Variants in CTSL observed in about 807,000 individuals in gnomAD.
CTSL encodes cathepsin L.
CTSL carries 23 observed loss-of-function variants against 34.7 expected under a neutral mutation model. That is an observed-to-expected ratio of 0.66 (90% CI 0.48 to 0.94). The LOEUF (loss-of-function observed/expected upper bound fraction) is 0.94, where lower values mean the gene tolerates loss of function less well. CTSL is among the 40% of genes least tolerant of loss of function. The probability of loss-of-function intolerance (pLI) is 0.00; values close to 1 mark genes in which losing one functional copy is unlikely to be tolerated. For missense variants in CTSL, 361 were observed against 406.3 expected, an observed-to-expected ratio of 0.89 and a Z score of 0.96; for synonymous variants, 129 against 136.7, an observed-to-expected ratio of 0.94 and a Z score of 0.39.
intron 1 of CTSL, among the ~76,000 whole-genome samples, chr9:87,726,817 C>T (rs1223999816): frequency 2.0e-5 from 3 of 151,980 alleles, no homozygotes; most frequent in Non-Finnish European, 4.4e-5. Context: ...CTGAGGTGGG[C>T]GGATCACCTG....
At chr9:87,730,907 A>AAGTCTAT in intron 7 of CTSL, 101 bp from the exon 8 acceptor site, 1 of 868,944 alleles carries the variant, frequency 1.2e-6, no homozygotes. Flanking sequence ...TCTTTCTGTT[A>AAGTCTAT]AGTCTATGGC....
At position 87,728,742 on chromosome 9, in the gene CTSL, A is replaced by G. The variant is rs751039989; in HGVS notation, c.554A>G (p.Tyr185Cys). The G allele has an allele frequency of 1.2e-6, 2 of 1,614,230 alleles. No individual in the cohort carries two copies. Among genetic ancestry groups the G allele is most frequent in the East Asian group, 4.5e-5 (2 of 44,890 alleles). The change falls in exon 5 of 8, where the codon TAT becomes TGT. Residue 185 changes from tyrosine (Y) to cysteine (C), a missense_variant. By Grantham distance (194) the Tyr-to-Cys change is radical (BLOSUM62 -2). Coordinates refer to ENST00000343150, the MANE Select transcript of CTSL (RefSeq NM_001912.5). ...GGCTGCAATGGTGGCCTAATGGATT[A>G]TGCTTTCCAGTATGTTCAGGATAAT... Reference protein sequence around the residue: ...NEGCNGGLMDYAFQYVQDNGG... With the variant: ...NEGCNGGLMDCAFQYVQDNGG...
At chr9:87,727,231 T>G (rs916475127) in intron 1 of CTSL, among the ~76,000 whole-genome samples, 1 of 152,104 alleles carries the variant, frequency 6.6e-6, no homozygotes, top group Non-Finnish European at 1.5e-5. Context: ...AAACCTGGAT[T>G]TTTTGCGATT....
chr9:87,728,909 G>C, intron 5 of CTSL, 100 bp downstream of exon 5: 1 of 1,554,044 alleles, frequency 6.4e-7, no homozygotes, highest in Non-Finnish European at 8.7e-7. Flanking sequence ...ATTAGGGCTG[G>C]GTGGGGTGGC....
intron 2 of CTSL, 66 bp downstream of exon 2, chr9:87,727,795 C>A (rs939318910): frequency 6.3e-7 from 1 of 1,588,306 alleles, no homozygotes; most frequent in South Asian, 1.1e-5. Context: ...AGAGTAGCTT[C>A]TAGAGGCCAG....
At chr9:87,729,205 A>G (rs907927298) in intron 5 of CTSL, among the ~76,000 whole-genome samples, 1 of 152,192 alleles carries the variant, frequency 6.6e-6, no homozygotes, top group African/African-American at 2.4e-5. Flanking sequence ...GGCAGAATAT[A>G]TATCTGCAAA....
intron 7 of CTSL, 113 bp from the exon 8 acceptor site, chr9:87,730,895 A>AT (rs775524676): frequency 2.1e-4 from 169 of 787,450 alleles, no homozygotes; most frequent in Non-Finnish European, 3.1e-4. Flanking sequence ...GCCTGTCCTG[A>AT]TTCTTTCTGT....
At position 87,727,671 on chromosome 9, in the gene CTSL, A is replaced by G. The variant is rs1826075382; in HGVS notation, c.68A>G (p.His23Arg). 2 of 1,613,940 alleles carry G rather than the reference A, an allele frequency of 1.2e-6. No homozygotes were observed. The highest frequency in any genetic ancestry group is 1.3e-5 in the African/African-American group (1 of 74,870). ...GIASATLTFD[H>R]SLEAQWTKWK... ...GCCTCAGCTACTCTAACATTTGATC[A>G]CAGTTTAGAGGCACAGTGGACCAAG... is the stretch of plus-strand genomic sequence containing the variant. The change falls in exon 2 of 8, where the codon CAC (histidine) becomes CGC (arginine). Residue 23 changes from histidine (H) to arginine (R), a missense_variant. Transcript: ENST00000343150.
chr9:87,730,995 G>C lies in CTSL; in HGVS notation c.903-13G>C, dbSNP rs755903907. On this transcript the variant is annotated splice_polypyrimidine_tract_variant and intron_variant, in intron 7 of 7. Coordinates refer to ENST00000343150, the MANE Select transcript of CTSL (RefSeq NM_001912.5). Reference sequence around the variant, plus strand: ...ATTCTTTCTCTGAAATGGAAAACCTGCTCTTTTTTCAGCTGGGGTGAAGAA... The same window carrying C: ...ATTCTTTCTCTGAAATGGAAAACCTCCTCTTTTTTCAGCTGGGGTGAAGAA... 2 of 1,611,190 alleles carry C rather than the reference G, an allele frequency of 1.2e-6. No homozygotes were observed. Among genetic ancestry groups the C allele is most frequent in the Non-Finnish European group, 1.7e-6 (2 of 1,177,480 alleles).
chr9:87,727,542 A>ATGGCTTT, intron 1 of CTSL, 52 bp from the exon 2 acceptor site: 1 of 1,586,086 alleles, frequency 6.3e-7, no homozygotes, highest in South Asian at 1.1e-5. Context: ...GGGCAGTAAG[A>ATGGCTTT]TGGCTTTTTA....
At chr9:87,730,933 T>A in intron 7 of CTSL, 75 bp from the exon 8 acceptor site, 1 of 1,195,160 alleles carries the variant, frequency 8.4e-7, no homozygotes, top group African/African-American at 1.5e-5. Flanking sequence ...GCACAGTGTT[T>A]AAGTTGGGTG....
chr9:87,726,703 C>T (rs1302121145), intron 1 of CTSL, among the ~76,000 whole-genome samples: 1 of 152,142 alleles, frequency 6.6e-6, no homozygotes, highest in Non-Finnish European at 1.5e-5. Context: ...AGTGCGTGCT[C>T]TCCTTCCCAG....
In CTSL at chr9:87,728,539, T is replaced by C. The variant is rs375713690; in HGVS notation, c.397-46T>C. On this transcript the variant is annotated intron_variant, in intron 4 of 7. Coordinates refer to ENST00000343150, the MANE Select transcript of CTSL (RefSeq NM_001912.5). The stretch of plus-strand genomic sequence containing the variant: ...TGTGTGAGCTGTTGTCAAAGTCTTA[T>C]TATTTTTTTTTTGTGGATGACAGCT... 5.0e-6 allele frequency: 8 copies of C among 1,589,672 alleles called. No homozygotes were observed. In the African/African-American group the frequency reaches 8.2e-5, roughly 16 times the overall value.
In CTSL at chr9:87,728,373, T is replaced by C. The variant is rs1443898164; in HGVS notation, c.373T>C (p.Tyr125His). The change falls in exon 4 of 8, where the codon TAC becomes CAC. Residue 125 changes from tyrosine (Y) to histidine (H), a missense_variant. Physicochemically the swap from Tyr to His is moderately conservative, Grantham distance 83. Coordinates refer to ENST00000343150, the MANE Select transcript of CTSL (RefSeq NM_001912.5). ...ATCTGTGGATTGGAGAGAGAAAGGC[T>C]ACGTGACTCCTGTGAAGAATCAGGT... The part of the protein sequence containing the change: ...PRSVDWREKG[Y>H]VTPVKNQGQC... The C allele has an allele frequency of 1.2e-6, 2 of 1,613,980 alleles. No individual in the cohort carries two copies. The highest frequency in any genetic ancestry group is 2.2e-5 in the East Asian group (1 of 44,884).
intron 4 of CTSL, 40 bp from the exon 5 acceptor site, chr9:87,728,545 T>A (rs1016827863): frequency 1.9e-6 from 3 of 1,590,600 alleles, no homozygotes; most frequent in Non-Finnish European, 2.6e-6. Context: ...CTTATTATTT[T>A]TTTTTTGTGG....
chr9:87,730,527 G>A, intron 7 of CTSL, 29 bp downstream of exon 7: 1 of 1,471,292 alleles, frequency 6.8e-7, no homozygotes, highest in Non-Finnish European at 9.4e-7. Context: ...ACTTACATTT[G>A]AAATTCAAAA....
chr9:87,731,036 T>C lies in CTSL; in HGVS notation c.931T>C (p.Tyr311His), dbSNP rs747407480. 1 of 1,614,086 alleles carries C rather than the reference T, an allele frequency of 6.2e-7. No individual in the cohort carries two copies. Among genetic ancestry groups the C allele is most frequent in the Non-Finnish European group, 8.5e-7 (1 of 1,179,980 alleles). ...GGGTGAAGAATGGGGCATGGGTGGC[T>C]ACGTAAAGATGGCCAAAGACCGGAG... ...SWGEEWGMGG[Y>H]VKMAKDRRNH... The change falls in exon 8 of 8, where the codon TAC becomes CAC. Residue 311 changes from tyrosine (Y) to histidine (H), a missense_variant. Coordinates refer to ENST00000343150, the MANE Select transcript of CTSL (RefSeq NM_001912.5).
chr9:87,730,556 A>G, intron 7 of CTSL, 58 bp downstream of exon 7: 1 of 1,262,456 alleles, frequency 7.9e-7, no homozygotes, highest in South Asian at 1.3e-5. Context: ...TTATTTGCAA[A>G]CAGTGTTTGG....
chr9:87,728,487 A>G (rs907254336), intron 4 of CTSL, 91 bp downstream of exon 4: 23 of 1,564,364 alleles, frequency 1.5e-5, no homozygotes, highest in Non-Finnish European at 2.0e-5. Context: ...AAAGTGATGT[A>G]CAGTTCACTT....
Sources: gnomAD v4.1 joint callset for allele counts (sites outside exome capture counted in the v4.1 genomes callset) on GRCh38, gnomAD v4.1.1 for gene constraint, MANE v1.5 for transcripts, NCBI Gene and HGNC (gene_info 2026-07-23, HGNC 2026-07-21) for gene names.